CA13: variants seen among roughly 807,000 people sequenced by gnomAD.
CA13 encodes carbonic anhydrase 13, also known as CA-XIII.
Under a neutral mutation model 31.5 loss-of-function variants are expected in CA13, and 21 were observed. That is an observed-to-expected ratio of 0.67 (90% CI 0.47 to 0.96). The LOEUF (loss-of-function observed/expected upper bound fraction) is 0.96, where lower values mean the gene tolerates loss of function less well. Among genes scored for constraint, CA13 ranks in the 40% least tolerant of loss-of-function variants. The pLI is 0.00. For synonymous variants in CA13, 117 were observed against 111.4 expected, an observed-to-expected ratio of 1.05 and a Z score of -0.32; for missense variants, 315 against 318.9, an observed-to-expected ratio of 0.99 and a Z score of 0.09.
chr8:85,255,454 G>T (rs1307036509), intron 2 of CA13, among the ~76,000 whole-genome samples: 4 of 152,022 alleles, frequency 2.6e-5, no homozygotes. Flanking sequence ...AGTAGAGACA[G>T]GGTTTCGCCA....
At chr8:85,261,163 C>T (rs1162278066) in intron 3 of CA13, among the ~76,000 whole-genome samples, 1 of 151,866 alleles carries the variant, frequency 6.6e-6, no homozygotes, top group Non-Finnish European at 1.5e-5. Flanking sequence ...AGGACCAAAA[C>T]CTTTGGTTCA....
At position 85,282,009 on chromosome 8, in the gene CA13, T is replaced by A. The variant is rs1807716017; in HGVS notation, c.*660T>A. On this transcript the variant is annotated 3_prime_UTR_variant, in exon 7 of 7. Transcript: ENST00000321764. ...CCATAGAGACTGAATTAGTCACAGC[T>A]CTCAGTGATGTTAGATGGAAACTTA... 6.6e-6 allele frequency: 1 copy of A among 152,254 alleles called. No individual in the cohort carries two copies. The highest frequency in any genetic ancestry group is 1.5e-5 in the Non-Finnish European group (1 of 68,046). The allele number at this position is 152,254 out of a possible 1,614,324, so 9.4% of individuals were successfully genotyped here. A position where few individuals can be genotyped will look rare whatever the true frequency, so the allele number is the denominator to read the frequency against.
At position 85,281,262 on chromosome 8, in the gene CA13, G is replaced by A. The variant is rs762015152; in HGVS notation, c.702G>A (p.Ala234=). 9.3e-6 allele frequency: 15 copies of A among 1,613,852 alleles called. No individual in the cohort carries two copies. The highest frequency in any genetic ancestry group is 3.3e-5 in the South Asian group (3 of 91,078). Residue 234 remains alanine, a synonymous_variant, in exon 7 of 7, where the codon GCG becomes GCA. Coordinates refer to ENST00000321764, the MANE Select transcript of CA13 (RefSeq NM_198584.3). The part of the protein sequence containing the change: ...LAKFRSLLCT[A]EGEAAAFLVS... The stretch of plus-strand genomic sequence containing the variant: ...AATTTCGCAGTCTCCTGTGCACAGC[G>A]GAGGGTGAAGCAGCAGCTTTTCTGG...
chr8:85,264,483 G>T (rs188095252), intron 3 of CA13, among the ~76,000 whole-genome samples: 1 of 152,096 alleles, frequency 6.6e-6, no homozygotes, highest in Non-Finnish European at 1.5e-5. Flanking sequence ...AATAGAAGTG[G>T]TATCAGTTCC....
chr8:85,279,324 G>T (rs779465427), intron 6 of CA13, among the ~76,000 whole-genome samples: 2 of 152,178 alleles, frequency 1.3e-5, no homozygotes, highest in Non-Finnish European at 2.9e-5. Context: ...ACCAGCCAGG[G>T]ATGTGCATTT....
intron 6 of CA13, among the ~76,000 whole-genome samples, chr8:85,278,290 T>C (rs930248007): frequency 2.6e-5 from 3 of 114,480 alleles, no homozygotes; most frequent in African/African-American, 1.0e-4. Flanking sequence ...AAAAAAAAAG[T>C]GAATCCTTGG....
Position 85,281,213 on chromosome 8 carries a change from C to T in CA13, c.670-17C>T. The T allele has an allele frequency of 6.2e-7, 1 of 1,609,492 alleles. No homozygotes were observed. The highest frequency in any genetic ancestry group is 8.5e-7 in the Non-Finnish European group (1 of 1,176,538). ...GGGAATTTCTATGCTGAAGCTAACT[C>T]TTTTCTTCTTCTACAGCTGGCCAAA... is the stretch of plus-strand genomic sequence containing the variant. On this transcript the variant is annotated splice_polypyrimidine_tract_variant and intron_variant, in intron 6 of 6. Transcript: ENST00000321764.
At chr8:85,274,223 C>T (rs942928179) in intron 6 of CA13, among the ~76,000 whole-genome samples, 6 of 152,066 alleles carry the variant, frequency 3.9e-5, no homozygotes, top group African/African-American at 9.7e-5. Context: ...CTACTTCAGG[C>T]GTGACATAGG....
chr8:85,267,818 T>C (rs998360740), intron 4 of CA13, 84 bp from the exon 5 acceptor site: 3 of 802,366 alleles, frequency 3.7e-6, no homozygotes, highest in Non-Finnish European at 4.0e-6. Context: ...TTTTAAAAAA[T>C]AATTTTTAAA....
At chr8:85,246,169 T>C (rs1335178112) in intron 1 of CA13, 4 of 530,126 alleles carry the variant, frequency 7.5e-6, no homozygotes, top group Non-Finnish European at 1.4e-5. Context: ...GGACTTTGCC[T>C]AGTAACAGCC....
chr8:85,278,370 CAA>C (rs1807648786), intron 6 of CA13, among the ~76,000 whole-genome samples: 3 of 151,000 alleles, frequency 2.0e-5, no homozygotes, highest in African/African-American at 7.3e-5. Context: ...AGAATTAACT[CAA>C]AGTATTTTCA....
At chr8:85,259,600 C>G (rs185261820) in intron 3 of CA13, 61 bp downstream of exon 3, 1 of 1,344,664 alleles carries the variant, frequency 7.4e-7, no homozygotes, top group African/African-American at 1.4e-5. Context: ...TTAAGGGGTA[C>G]AGAGACAACT....
chr8:85,263,273 T>C (rs747509426), intron 3 of CA13, among the ~76,000 whole-genome samples: 1 of 152,134 alleles, frequency 6.6e-6, no homozygotes, highest in African/African-American at 2.4e-5. Context: ...TCGGGTACTG[T>C]TGGGCATTGT....
At chr8:85,277,670 G>A (rs1199154478) in intron 6 of CA13, among the ~76,000 whole-genome samples, 2 of 152,160 alleles carry the variant, frequency 1.3e-5, no homozygotes, top group Non-Finnish European at 1.5e-5. Flanking sequence ...AACAGCACAC[G>A]AGGTGGTGTG....
chr8:85,260,602 G>T (rs1411810261), intron 3 of CA13, among the ~76,000 whole-genome samples: 2 of 152,274 alleles, frequency 1.3e-5, no homozygotes, highest in Admixed American at 6.5e-5. Flanking sequence ...TGTGTTTGAG[G>T]CCAAGTAGCT....
rs1807489421 is a variant in CA13 at position 85,268,703 on chromosome 8, C to T, written c.669+76C>T. The T allele has an allele frequency of 2.4e-6, 3 of 1,232,328 alleles. No homozygotes were observed. In the Admixed American group the frequency reaches 7.2e-5, roughly 30 times the overall value. The allele number at this position is 1,232,328 out of a possible 1,614,324, so 76.3% of individuals were successfully genotyped here. ...TTTTTTTTTTTTTTTTTCAACCCTG[C>T]CCTTAATTTCTACTGTGTTTTGAAG... On this transcript the variant is annotated intron_variant, in intron 6 of 6. Transcript: ENST00000321764.
At chr8:85,250,658 A>G (rs1813809691) in intron 1 of CA13, 82 bp from the exon 2 acceptor site, 1 of 825,948 alleles carries the variant, frequency 1.2e-6, no homozygotes, top group African/African-American at 1.7e-5. Flanking sequence ...TTCAATTTCA[A>G]GCACAGTGTG....
chr8:85,245,924 G>C (rs575618795), intron 1 of CA13, 59 bp downstream of exon 1: 1 of 1,595,896 alleles, frequency 6.3e-7, no homozygotes, highest in African/African-American at 1.3e-5. Flanking sequence ...GGACTAGCGC[G>C]ACGCCCCGGC....
rs1813835007 is a variant in CA13, at chr8:85,251,862, A to G, written c.235+925A>G. Among the ~76,000 whole-genome samples, 3 of 152,180 alleles carry G rather than the reference A, an allele frequency of 2.0e-5. No individual in the cohort carries two copies. In the South Asian group the frequency reaches 6.2e-4, roughly 32 times the overall value. ...TATCATCCTTGTTTTGCATTTTCTTATTAAAAATACATTTGGAATAATGCT... is the reference window on the plus strand; with the variant it reads ...TATCATCCTTGTTTTGCATTTTCTTGTTAAAAATACATTTGGAATAATGCT... On this transcript the variant is annotated intron_variant, in intron 2 of 6. Coordinates refer to ENST00000321764, the MANE Select transcript of CA13 (RefSeq NM_198584.3).
Sources: allele counts gnomAD v4.1 joint callset (sites outside exome capture counted in the v4.1 genomes callset), GRCh38; gene constraint gnomAD v4.1.1; transcripts MANE v1.5; gene names NCBI Gene and HGNC (gene_info 2026-07-23, HGNC 2026-07-21).